RNF19A: variants seen among roughly 807,000 people sequenced by gnomAD.
RNF19A encodes E3 ubiquitin-protein ligase RNF19A.
RNF19A carries 32 observed loss-of-function variants against 75.7 expected under a neutral mutation model. The observed-to-expected ratio is 0.42, with a 90% confidence interval of 0.32 to 0.57. RNF19A has a LOEUF of 0.57. RNF19A is among the 20% of genes least tolerant of loss of function. The probability of loss-of-function intolerance (pLI) is 0.10; values close to 1 mark genes in which losing one functional copy is unlikely to be tolerated. For missense variants in RNF19A, 782 were observed against 1,036.3 expected (o/e 0.75, Z 3.37); for synonymous variants, 335 against 345.2 (o/e 0.97, Z 0.33).
intron 1 of RNF19A, among the ~76,000 whole-genome samples, chr8:100,304,470 C>T (rs562161763): frequency 6.6e-6 from 1 of 152,226 alleles, no homozygotes; most frequent in East Asian, 1.9e-4. Context: ...CACTTACGCA[C>T]TCACACTACT....
intron 3 of RNF19A, among the ~76,000 whole-genome samples, chr8:100,272,430 C>T (rs1016158252): frequency 6.6e-6 from 1 of 151,922 alleles, no homozygotes; most frequent in Non-Finnish European, 1.5e-5. Context: ...TTTAGACTAT[C>T]ATGATACAGA....
rs369970301 is a variant in RNF19A at position 100,275,083 on chromosome 8, G to A, written c.753C>T (p.Cys251=). 3 of 1,614,146 alleles carry A rather than the reference G, an allele frequency of 1.9e-6. No homozygotes were observed. The highest frequency in any genetic ancestry group is 2.5e-6 in the Non-Finnish European group (3 of 1,180,010). The change falls in exon 3 of 10, where the codon TGC becomes TGT. Residue 251 remains cysteine (C), a synonymous_variant. Coordinates refer to ENST00000341084, the MANE Select transcript of RNF19A (RefSeq NM_183419.4). The surrounding 1 kb of genome is among the most constrained non-coding windows in gnomAD (Gnocchi z 4.3). ...GGTGCCAAATCTGTTTACAGTGGTA[G>A]CAAAACTCTGTTCCACAGCCCTCTC... ...CGREGCGTEF[C]YHCKQIWHPN...
chr8:100,262,601 GA>G (rs1200210150), intron 7 of RNF19A, among the ~76,000 whole-genome samples: 4 of 152,152 alleles, frequency 2.6e-5, no homozygotes, highest in African/African-American at 9.7e-5. Flanking sequence ...CTATGATAAG[GA>G]CTTTGGATTT....
rs533779359 is a variant in RNF19A, at chr8:100,329,115, G to A, written c.-243+6993C>T. On this transcript the variant is annotated intron_variant, in intron 1 of 3. Transcript: ENST00000519527. This position sits in a 1 kb window ranked among gnomAD's most constrained non-coding sequence, Gnocchi z 4.3. ...AATTTGATATAGGAGAGGGAGAGGGGTGGTGTAGCTTACAGACACCAAAGT... is the reference window on the plus strand; with the variant it reads ...AATTTGATATAGGAGAGGGAGAGGGATGGTGTAGCTTACAGACACCAAAGT... Among the ~76,000 whole-genome samples the A allele has an allele frequency of 1.6e-3, 244 of 152,298 alleles. 1 individual carries two copies. The highest frequency in any genetic ancestry group is 2.4e-3 in the Non-Finnish European group (160 of 68,028).
Position 100,269,504 on chromosome 8 carries a change from C to T in RNF19A, c.1028+365G>A, listed in dbSNP as rs192985062. 3.3e-5 allele frequency among the ~76,000 whole-genome samples: 5 copies of T among 152,194 alleles called. No individual in the cohort carries two copies. The East Asian group carries it at 9.6e-4, about 29-fold the overall frequency. Reference sequence around the variant, plus strand: ...TTTTTAATAGTAAACTAATGCAAAACATGCATATTTTTAGGCATCAATTAT... The same window carrying T: ...TTTTTAATAGTAAACTAATGCAAAATATGCATATTTTTAGGCATCAATTAT... On this transcript the variant is annotated intron_variant, in intron 4 of 9. Coordinates refer to ENST00000341084, the MANE Select transcript of RNF19A (RefSeq NM_183419.4). This position sits in a 1 kb window ranked among gnomAD's most constrained non-coding sequence, Gnocchi z 5.7.
intron 1 of RNF19A, among the ~76,000 whole-genome samples, chr8:100,304,820 T>G (rs1021156754): frequency 6.6e-6 from 1 of 152,250 alleles, no homozygotes; most frequent in Non-Finnish European, 1.5e-5. Flanking sequence ...AGCCTTGCTC[T>G]GACTAGTTAC....
intron 7 of RNF19A, among the ~76,000 whole-genome samples, chr8:100,262,127 T>C (rs1180878651): frequency 6.6e-6 from 1 of 152,232 alleles, no homozygotes; most frequent in Non-Finnish European, 1.5e-5. Context: ...GCCACAGTTC[T>C]GTCTACAAGC....
rs1440387921 is a variant in RNF19A, at chr8:100,330,360, T to G, written c.-243+5748A>C. Reference sequence around the variant, plus strand: ...GCATCCTGATTTATTTGGAGACCCATCCCTCCCTCATTCTTGGTTCATAAT... The same window carrying G: ...GCATCCTGATTTATTTGGAGACCCAGCCCTCCCTCATTCTTGGTTCATAAT... On this transcript the variant is annotated intron_variant, in intron 1 of 3. Coordinates refer to the RNF19A transcript ENST00000519527. This position sits in a 1 kb window ranked among gnomAD's most constrained non-coding sequence, Gnocchi z 4.1. Among the ~76,000 whole-genome samples the G allele has an allele frequency of 6.6e-6, 1 of 152,088 alleles. No individual in the cohort carries two copies. Among genetic ancestry groups the G allele is most frequent in the Non-Finnish European group, 1.5e-5 (1 of 68,002 alleles).
chr8:100,309,997 G>A (rs996083567), upstream of RNF19A: 12 of 985,648 alleles, frequency 1.2e-5, no homozygotes, highest in Non-Finnish European at 1.4e-5. Context: ...CTCAACCGGG[G>A]CGGAGACGAC....
Position 100,258,641 on chromosome 8 carries a change from T to C in RNF19A, c.2432A>G (p.Tyr811Cys). The C allele has an allele frequency of 1.2e-6, 2 of 1,614,142 alleles. No individual in the cohort carries two copies. The highest frequency in any genetic ancestry group is 1.1e-5 in the South Asian group (1 of 91,074). ...NNGIKPNVDLYFGDALKETNN... is the reference protein window; with the variant it reads ...NNGIKPNVDLCFGDALKETNN... ...TGTTTCTTTTAGTGCATCGCCAAAA[T>C]ATAAATCAACATTAGGTTTTATTCC... Residue 811 changes from tyrosine (Y) to cysteine (C), a missense_variant, in exon 10 of 10, where the codon TAT becomes TGT. Coordinates refer to ENST00000341084, the MANE Select transcript of RNF19A (RefSeq NM_183419.4). The surrounding 1 kb of genome is among the most constrained non-coding windows in gnomAD (Gnocchi z 4.3).
intron 1 of RNF19A, among the ~76,000 whole-genome samples, chr8:100,334,711 C>T (rs1299540459): frequency 6.6e-6 from 1 of 152,176 alleles, no homozygotes; most frequent in Non-Finnish European, 1.5e-5. Flanking sequence ...CAAGACCCAG[C>T]CCCGCTGGCG....
rs1396852414 is a variant in RNF19A at position 100,264,011 on chromosome 8, C to A, written c.1468+23G>T. ...CTTACACTGTTAATAAGCACATTTT[C>A]TTCCTTTGCTTAAAGGACTTACCTA... On this transcript the variant is annotated intron_variant, in intron 7 of 9. Coordinates refer to ENST00000341084, the MANE Select transcript of RNF19A (RefSeq NM_183419.4). This position sits in a 1 kb window ranked among gnomAD's most constrained non-coding sequence, Gnocchi z 4.7. 1.9e-6 allele frequency: 3 copies of A among 1,599,416 alleles called. No individual in the cohort carries two copies. Among genetic ancestry groups the A allele is most frequent in the Non-Finnish European group, 2.6e-6 (3 of 1,170,776 alleles).
upstream of RNF19A, among the ~76,000 whole-genome samples, chr8:100,311,390 T>C (rs1822289314): frequency 6.6e-6 from 1 of 152,184 alleles, no homozygotes; most frequent in Admixed American, 6.5e-5. Flanking sequence ...GAATAGTAAG[T>C]TAAGTACCCA....
chr8:100,292,433 T>TGG (rs150468171), intron 1 of RNF19A, among the ~76,000 whole-genome samples: 5,612 of 140,590 alleles, frequency 0.04, 103 homozygotes, highest in South Asian at 0.052. Context: ...TGCTATCATA[T>TGG]GGGTGTGTGT....
In RNF19A at chr8:100,264,069, T is replaced by C; in HGVS notation, c.1433A>G (p.Asn478Ser). The change falls in exon 7 of 10, where the codon AAT (asparagine) becomes AGT (serine). Residue 478 changes from asparagine to serine, a missense_variant. Around this residue, in one of 7 missense-constraint regions of RNF19A, gnomAD observed 442 missense variants for 541.6 expected, o/e 0.82. Coordinates refer to ENST00000341084, the MANE Select transcript of RNF19A (RefSeq NM_183419.4). This position sits in a 1 kb window ranked among gnomAD's most constrained non-coding sequence, Gnocchi z 4.7. Reference protein sequence around the residue: ...KGVRIEFDDENDINVGGTNTA... With the variant: ...KGVRIEFDDESDINVGGTNTA... ...GTTAGTTCCACCAACATTTATATCA[T>C]TTTCATCATCAAATTCAATCCTAAC... 6.2e-7 allele frequency: 1 copy of C among 1,613,684 alleles called. No homozygotes were observed. Among genetic ancestry groups the C allele is most frequent in the East Asian group, 2.2e-5 (1 of 44,878 alleles).
intron 2 of RNF19A, among the ~76,000 whole-genome samples, chr8:100,285,380 T>C (rs185238839): frequency 6.6e-6 from 1 of 152,350 alleles, no homozygotes; most frequent in East Asian, 1.9e-4. Context: ...ATCAATTCTT[T>C]TCCAGTTGGT....
Position 100,275,444 on chromosome 8 carries a change from T to G in RNF19A, c.675-283A>C, listed in dbSNP as rs1191838378. On this transcript the variant is annotated intron_variant, in intron 2 of 9. Transcript: ENST00000341084. The surrounding 1 kb of genome is among the most constrained non-coding windows in gnomAD (Gnocchi z 4.3). The stretch of plus-strand genomic sequence containing the variant: ...TAGATTCAGGGGGTACATGTGCAAG[T>G]TTGTTACATAGGTCTATTGCATGAT... Among the ~76,000 whole-genome samples, 4 of 151,822 alleles carry G rather than the reference T, an allele frequency of 2.6e-5. No individual in the cohort carries two copies. The highest frequency in any genetic ancestry group is 5.9e-5 in the Non-Finnish European group (4 of 67,936).
chr8:100,268,724 A>G, intron 5 of RNF19A, 61 bp downstream of exon 5: 1 of 1,212,312 alleles, frequency 8.2e-7, no homozygotes, highest in Non-Finnish European at 1.1e-6. Flanking sequence ...CATCAATACT[A>G]AAAGAATACA....
intron 1 of RNF19A, among the ~76,000 whole-genome samples, chr8:100,297,004 T>C (rs1247096075): frequency 6.6e-6 from 1 of 152,144 alleles, no homozygotes; most frequent in Non-Finnish European, 1.5e-5. Flanking sequence ...CAAACAAAGG[T>C]TAATCAATAT....
Sources: gnomAD v4.1 joint callset for allele counts (sites outside exome capture counted in the v4.1 genomes callset) on GRCh38, gnomAD v4.1.1 for gene constraint, gnomAD v4.1.1 regional missense constraint, Gnocchi (gnomAD v3.1) non-coding constraint, MANE v1.5 for transcripts, NCBI Gene and HGNC (gene_info 2026-07-23, HGNC 2026-07-21) for gene names.